USP28: variants seen among roughly 807,000 people sequenced by gnomAD.
USP28 encodes ubiquitin carboxyl-terminal hydrolase 28.
USP28 carries 113 observed loss-of-function variants against 145.0 expected under a neutral mutation model. That is an observed-to-expected ratio of 0.78 (90% CI 0.67 to 0.91). USP28 has a LOEUF of 0.91. Ranked by LOEUF, USP28 falls within the 40% of genes least tolerant of loss-of-function variation. The probability of loss-of-function intolerance (pLI) is 0.00; values close to 1 mark genes in which losing one functional copy is unlikely to be tolerated. For synonymous variants in USP28, 447 were observed against 450.9 expected, an observed-to-expected ratio of 0.99 and a Z score of 0.11; for missense variants, 1,201 against 1,289.6, an observed-to-expected ratio of 0.93 and a Z score of 1.05.
chr11:113,852,385 C>A, intron 3 of USP28, 116 bp downstream of exon 3: 2 of 1,330,722 alleles, frequency 1.5e-6, no homozygotes, highest in East Asian at 4.6e-5. Context: ...CAGTAATAAG[C>A]TGTTATTACT....
At chr11:113,875,548 C>T (rs945597685) in exon 1 of USP28, 1 of 1,130,892 alleles carries the variant, frequency 8.8e-7, no homozygotes, top group East Asian at 4.8e-5. Context: ...CCGCAGCCGC[C>T]GCCGGCCCAG....
chr11:113,837,751 T>C (rs111242353), intron 5 of USP28, among the ~76,000 whole-genome samples: 2,127 of 152,306 alleles, frequency 0.014, 57 homozygotes, highest in African/African-American at 0.048. Flanking sequence ...GAGTTTTCCA[T>C]GTAAGAGGTT....
At chr11:113,830,335 A>T (rs977011231) in intron 9 of USP28, among the ~76,000 whole-genome samples, 1 of 152,148 alleles carries the variant, frequency 6.6e-6, no homozygotes, top group Non-Finnish European at 1.5e-5. Context: ...GATTGGTAAG[A>T]GTGGGGTGAG....
At chr11:113,828,934 A>G (rs1209847068) in intron 10 of USP28, 1 of 602,666 alleles carries the variant, frequency 1.7e-6, no homozygotes, top group Non-Finnish European at 3.1e-6. Flanking sequence ...CAACAGAAAG[A>G]GAGAAACTTG....
chr11:113,857,360 C>T (rs1947171247), intron 1 of USP28, among the ~76,000 whole-genome samples: 1 of 152,196 alleles, frequency 6.6e-6, no homozygotes, highest in Non-Finnish European at 1.5e-5. Flanking sequence ...AAACATTCCT[C>T]CAAAGGTAAA....
intron 23 of USP28, 169 bp from the exon 25 acceptor site, chr11:113,801,847 A>AG: frequency 1.9e-6 from 1 of 524,344 alleles, no homozygotes; most frequent in East Asian, 2.8e-5. Flanking sequence ...TGATTTAATT[A>AG]GTGTTTAGAT....
chr11:113,803,050 T>G, intron 23 of USP28, 108 bp downstream of exon 24: 1 of 1,282,152 alleles, frequency 7.8e-7, no homozygotes, highest in Non-Finnish European at 1.0e-6. Flanking sequence ...TGGGGGGAAA[T>G]CTACAACCTG....
intron 2 of USP28, among the ~76,000 whole-genome samples, chr11:113,853,287 C>T (rs76871102): frequency 0.08 from 8,783 of 109,820 alleles, 314 homozygotes; most frequent in Middle Eastern, 0.15. Flanking sequence ...TGAGTGAGAT[C>T]CTGTCTCCTG....
chr11:113,810,338 T>C (rs903944797), intron 16 of USP28, among the ~76,000 whole-genome samples: 2 of 152,204 alleles, frequency 1.3e-5, no homozygotes, highest in African/African-American at 4.8e-5. Context: ...CAATGACATA[T>C]AAAATTTCAT....
chr11:113,852,618 T>C (rs1946597399), exon 3 of USP28: 2 of 1,614,152 alleles, frequency 1.2e-6, no homozygotes, highest in Non-Finnish European at 1.7e-6. Flanking sequence ...GCCTGAGTAA[T>C]GTCACCATTA....
At chr11:113,839,840 T>A (rs1591355270) in intron 5 of USP28, among the ~76,000 whole-genome samples, 1 of 152,202 alleles carries the variant, frequency 6.6e-6, no homozygotes, top group Admixed American at 6.5e-5. Context: ...CTGACCAACA[T>A]GATGAAACCC....
At chr11:113,862,460 G>C (rs1371182919) in intron 1 of USP28, among the ~76,000 whole-genome samples, 3 of 152,180 alleles carry the variant, frequency 2.0e-5, no homozygotes. Flanking sequence ...ATCACTGCAG[G>C]CTCCTCAGCA....
At chr11:113,838,398 T>C (rs12286375) in intron 5 of USP28, among the ~76,000 whole-genome samples, 1,695 of 152,320 alleles carry the variant, frequency 0.011, 32 homozygotes, top group African/African-American at 0.037. Flanking sequence ...AATACATTCC[T>C]ATTTCATCTA....
At chr11:113,851,651 C>G (rs1284781161) in intron 3 of USP28, among the ~76,000 whole-genome samples, 1 of 152,082 alleles carries the variant, frequency 6.6e-6, no homozygotes, top group Non-Finnish European at 1.5e-5. Flanking sequence ...AAACAATTAG[C>G]CAGGCGTAGT....
At chr11:113,839,663 C>A (rs947370122) in intron 5 of USP28, among the ~76,000 whole-genome samples, 2 of 152,106 alleles carry the variant, frequency 1.3e-5, no homozygotes, top group African/African-American at 4.8e-5. Flanking sequence ...CTGAGGCGGG[C>A]GGAACACCTG....
intron 19 of USP28, 82 bp downstream of exon 20, chr11:113,806,407 A>C: frequency 8.0e-7 from 1 of 1,256,890 alleles, no homozygotes; most frequent in Non-Finnish European, 1.1e-6. Context: ...CCTTAACCCC[A>C]TTTTTTCCCT....
intron 15 of USP28, among the ~76,000 whole-genome samples, chr11:113,812,967 A>T (rs1006609280): frequency 1.3e-5 from 2 of 152,228 alleles, no homozygotes; most frequent in Non-Finnish European, 2.9e-5. Context: ...TCTTAGAGTT[A>T]AGTGACCACT....
At chr11:113,853,031 T>C (rs1339330456) in intron 2 of USP28, among the ~76,000 whole-genome samples, 2 of 152,132 alleles carry the variant, frequency 1.3e-5, no homozygotes, top group Non-Finnish European at 2.9e-5. Context: ...GCAGGCGCAG[T>C]GGCTCACACG....
chr11:113,853,164 G>GT (rs1262570568), intron 2 of USP28, among the ~76,000 whole-genome samples: 4 of 151,764 alleles, frequency 2.6e-5, no homozygotes, highest in African/African-American at 7.3e-5. Context: ...CTAGCCAGGC[G>GT]TGAGTCCCAG....
Sources: gnomAD v4.1 joint callset for allele counts (sites outside exome capture counted in the v4.1 genomes callset) on GRCh38, gnomAD v4.1.1 for gene constraint, MANE v1.5 for transcripts, NCBI Gene and HGNC (gene_info 2026-07-23, HGNC 2026-07-21) for gene names.